IGSF10: variants seen among roughly 807,000 people sequenced by gnomAD.
IGSF10 encodes immunoglobulin superfamily member 10, also known as calvaria mechanical force protein 608.
A neutral mutation model predicts 128.2 loss-of-function variants in IGSF10; 126 were observed. The observed-to-expected ratio is 0.98, with a 90% confidence interval of 0.85 to 1.14. IGSF10 has a LOEUF of 1.14. Ranked by LOEUF, IGSF10 falls within the 50% of genes most tolerant of loss-of-function variation. The pLI is 0.00. For missense variants in IGSF10, 3,295 were observed against 3,149.8 expected (o/e 1.05, Z -1.10); for synonymous variants, 1,185 against 1,146.2 (o/e 1.03, Z -0.68).
chr3:151,436,901 C>T lies in IGSF10; in HGVS notation c.7660G>A (p.Gly2554Arg). Residue 2554 changes from glycine (G) to arginine (R), a missense_variant, in exon 8 of 8, where the codon GGA (glycine) becomes AGA (arginine). Coordinates refer to ENST00000282466, the MANE Select transcript of IGSF10 (RefSeq NM_178822.5). ...CATGTGATTTCTGGCTTGGGAACTCCCAAGGCCACACAGTGGAGCTGAAAG... is the reference window on the plus strand; with the variant it reads ...CATGTGATTTCTGGCTTGGGAACTCTCAAGGCCACACAGTGGAGCTGAAAG... ...AAFQLHCVALGVPKPEITWEM... is the reference protein window; with the variant it reads ...AAFQLHCVALRVPKPEITWEM... 1.9e-6 allele frequency: 3 copies of T among 1,614,160 alleles called. No homozygotes were observed. The highest frequency in any genetic ancestry group is 2.5e-6 in the Non-Finnish European group (3 of 1,180,022).
At chr3:151,524,805 G>T in the IGSF10 span, among the ~76,000 whole-genome samples, 2 of 152,000 alleles carry the variant, frequency 1.3e-5, no homozygotes, top group East Asian at 3.9e-4. Flanking sequence ...ATATTCCAAA[G>T]GTTGATTTGA....
At chr3:151,547,439 C>T in the IGSF10 span, among the ~76,000 whole-genome samples, 15 of 150,498 alleles carry the variant, frequency 1.0e-4, no homozygotes, top group African/African-American at 2.2e-4. Flanking sequence ...TACACACACA[C>T]ACACACACAC....
chr3:151,612,595 A>C, the IGSF10 span, among the ~76,000 whole-genome samples: 2 of 152,334 alleles, frequency 1.3e-5, no homozygotes, highest in Non-Finnish European at 2.9e-5. Context: ...AGATATCTGC[A>C]GCCAACTTAT....
At chr3:151,579,319 AC>A in the IGSF10 span, among the ~76,000 whole-genome samples, 21 of 152,204 alleles carry the variant, frequency 1.4e-4, no homozygotes, top group African/African-American at 4.8e-4. Context: ...AAAATGCAAG[AC>A]AAAGCAACTT....
rs546248587 is a variant in IGSF10, at chr3:151,448,882, C to T, written c.1099G>A (p.Asp367Asn). Residue 367 changes from aspartate to asparagine, a missense_variant, in exon 6 of 8, where the codon GAT (aspartate) becomes AAT (asparagine). By Grantham distance (23) the Asp-to-Asn change is conservative. Coordinates refer to ENST00000282466, the MANE Select transcript of IGSF10 (RefSeq NM_178822.5). ...CACACTGGCTGAATGTGACCGTAAT[C>T]TATGTTGCACACCAAAAATGTTGAA... is the stretch of plus-strand genomic sequence containing the variant. ...SFSTFLVCNI[D>N]YGHIQPVWQI... The T allele has an allele frequency of 1.2e-5, 19 of 1,614,194 alleles. No homozygotes were observed. The African/African-American group carries it at 2.4e-4, about 20-fold the overall frequency.
chr3:151,608,039 G>A, the IGSF10 span, among the ~76,000 whole-genome samples: 1 of 151,752 alleles, frequency 6.6e-6, no homozygotes, highest in Non-Finnish European at 1.5e-5. Context: ...AATGTCCTGT[G>A]GTCTGAAGAC....
At chr3:151,571,875 ATTATT>A in the IGSF10 span, among the ~76,000 whole-genome samples, 1 of 152,104 alleles carries the variant, frequency 6.6e-6, no homozygotes, top group East Asian at 1.9e-4. Flanking sequence ...AATAGCTCTT[ATTATT>A]TTGAGATATG....
downstream of IGSF10, chr3:151,433,113 C>G (rs1450366995): frequency 3.8e-6 from 1 of 265,592 alleles, no homozygotes; most frequent in Non-Finnish European, 7.1e-6. Flanking sequence ...TCTCACATTT[C>G]TAGAAAGAAT....
chr3:151,453,543 A>C lies in IGSF10; in HGVS notation c.556T>G (p.Phe186Val). 1 of 1,614,060 alleles carries C rather than the reference A, an allele frequency of 6.2e-7. No homozygotes were observed. The highest frequency in any genetic ancestry group is 8.5e-7 in the Non-Finnish European group (1 of 1,179,936). The change falls in exon 5 of 8, where the codon TTC (phenylalanine) becomes GTC (valine). Residue 186 changes from phenylalanine (F) to valine (V), a missense_variant. Physicochemically the swap from Phe to Val is conservative, Grantham distance 50. Transcript: ENST00000282466. The part of the protein sequence containing the change: ...LSYLQIFKIS[F>V]IKFLYLSDNF... ...TCAGACAAGTATAGGAACTTAATGA[A>C]AGAGATTTTAAATATCTGGAGGTAG...
At chr3:151,584,907 G>A in the IGSF10 span, among the ~76,000 whole-genome samples, 1 of 152,276 alleles carries the variant, frequency 6.6e-6, no homozygotes, top group South Asian at 2.1e-4. Flanking sequence ...ACCAAGTAAC[G>A]GGCAATAGGG....
the IGSF10 span, among the ~76,000 whole-genome samples, chr3:151,517,210 A>T: frequency 6.6e-6 from 1 of 152,064 alleles, no homozygotes; most frequent in Non-Finnish European, 1.5e-5. Context: ...CTTACTGACT[A>T]AACAGGAGTG....
chr3:151,458,725 T>C lies in IGSF10; in HGVS notation c.-1-15A>G. ...TTACCTTCATCCTGAAAAAACATCA[T>C]ACCTCAGAGTTATAAAGAGTGGTGG... On this transcript the variant is annotated splice_polypyrimidine_tract_variant and intron_variant, in intron 2 of 7. Coordinates refer to ENST00000282466, the MANE Select transcript of IGSF10 (RefSeq NM_178822.5). 1 of 1,605,884 alleles carries C rather than the reference T, an allele frequency of 6.2e-7. No homozygotes were observed. The highest frequency in any genetic ancestry group is 8.5e-7 in the Non-Finnish European group (1 of 1,175,048).
At chr3:151,568,413 A>G in the IGSF10 span, among the ~76,000 whole-genome samples, 1 of 152,252 alleles carries the variant, frequency 6.6e-6, no homozygotes, top group South Asian at 2.1e-4. Context: ...CGGTATTACA[A>G]TTCTCTTGTT....
chr3:151,578,160 T>C, the IGSF10 span, among the ~76,000 whole-genome samples: 2 of 152,174 alleles, frequency 1.3e-5, no homozygotes, highest in Non-Finnish European at 2.9e-5. Context: ...ATATCTTCAA[T>C]AAAATTTGTT....
chr3:151,602,566 C>T, the IGSF10 span, among the ~76,000 whole-genome samples: 2 of 152,066 alleles, frequency 1.3e-5, no homozygotes, highest in Non-Finnish European at 2.9e-5. Flanking sequence ...ATCATATTTA[C>T]ACTACAATTT....
At chr3:151,508,710 T>C in the IGSF10 span, among the ~76,000 whole-genome samples, 1 of 152,282 alleles carries the variant, frequency 6.6e-6, no homozygotes, top group Non-Finnish European at 1.5e-5. Context: ...ACCTCTAACT[T>C]TGGGATGCTT....
chr3:151,506,532 T>C, the IGSF10 span, among the ~76,000 whole-genome samples: 26 of 152,210 alleles, frequency 1.7e-4, no homozygotes, highest in African/African-American at 6.3e-4. Context: ...TTACCATTCT[T>C]TTAAATTTAT....
the IGSF10 span, among the ~76,000 whole-genome samples, chr3:151,584,009 T>C: frequency 2.6e-5 from 4 of 152,190 alleles, no homozygotes; most frequent in Non-Finnish European, 4.4e-5. Context: ...CTTACTAATT[T>C]TCTGGATGCT....
chr3:151,484,121 A>G, the IGSF10 span, among the ~76,000 whole-genome samples: 3 of 152,160 alleles, frequency 2.0e-5, no homozygotes, highest in Admixed American at 2.0e-4. Context: ...GGTGGGAGGG[A>G]CATCTGCCAT....
Sources: gnomAD v4.1 joint callset for allele counts (sites outside exome capture counted in the v4.1 genomes callset) on GRCh38, gnomAD v4.1.1 for gene constraint, MANE v1.5 for transcripts, NCBI Gene and HGNC (gene_info 2026-07-23, HGNC 2026-07-21) for gene names.